The following CIMAP1D variants were observed in gnomAD, a reference collection of about 807,000 sequenced individuals.
The protein encoded by CIMAP1D is CIMAP1 family member D, also known as protein CIMAP1D.
chr19:488,976 C>G, the CIMAP1D span, among the ~76,000 whole-genome samples: 3 of 152,048 alleles, frequency 2.0e-5, no homozygotes, highest in Non-Finnish European at 4.4e-5. Flanking sequence ...GCCCCAAGCC[C>G]GCATCAGCCC....
the CIMAP1D span, among the ~76,000 whole-genome samples, chr19:469,462 G>C: frequency 2.0e-5 from 3 of 152,130 alleles, no homozygotes; most frequent in South Asian, 6.2e-4. Flanking sequence ...GGCTGAGGCG[G>C]GTGGATCACC....
At chr19:471,331 G>T in the CIMAP1D span, among the ~76,000 whole-genome samples, 2 of 151,710 alleles carry the variant, frequency 1.3e-5, no homozygotes, top group Admixed American at 1.3e-4. Context: ...TGTATTTTTA[G>T]TAGAGACGGG....
the CIMAP1D span, among the ~76,000 whole-genome samples, chr19:487,984 T>C: frequency 1.3e-5 from 2 of 152,154 alleles, no homozygotes; most frequent in African/African-American, 4.8e-5. Flanking sequence ...TCCGATCTGA[T>C]TGCCGGTGCA....
At chr19:471,057 G>A in the CIMAP1D span, among the ~76,000 whole-genome samples, 1 of 148,730 alleles carries the variant, frequency 6.7e-6, no homozygotes, top group Non-Finnish European at 1.5e-5. Context: ...GGAGAAACTG[G>A]GGCTCAGGGC....
the CIMAP1D span, among the ~76,000 whole-genome samples, chr19:476,955 C>T: frequency 1.3e-5 from 2 of 152,140 alleles, no homozygotes; most frequent in East Asian, 1.9e-4. Context: ...ACCTGTAATC[C>T]CTGCACTTTG....
chr19:467,672 A>C, the CIMAP1D span: 2 of 1,611,312 alleles, frequency 1.2e-6, no homozygotes, highest in Non-Finnish European at 1.7e-6. Flanking sequence ...CCGGCCCTGC[A>C]TGGAGTAGGC....
At chr19:471,557 C>T in the CIMAP1D span, among the ~76,000 whole-genome samples, 1 of 151,876 alleles carries the variant, frequency 6.6e-6, no homozygotes, top group Non-Finnish European at 1.5e-5. Context: ...ATCCTCCTGC[C>T]TGGGCCTCCC....
chr19:467,630 G>A, the CIMAP1D span: 1 of 1,536,238 alleles, frequency 6.5e-7, no homozygotes, highest in Non-Finnish European at 9.0e-7. Flanking sequence ...TTGTGCGGCT[G>A]CTTGGCTCCA....
At chr19:483,894 C>T in the CIMAP1D span, among the ~76,000 whole-genome samples, 1 of 152,214 alleles carries the variant, frequency 6.6e-6, no homozygotes, top group Admixed American at 6.5e-5. Context: ...CGCTTTGCCT[C>T]TTCTGTGCGG....
chr19:476,173 G>C, the CIMAP1D span, among the ~76,000 whole-genome samples: 2 of 151,274 alleles, frequency 1.3e-5, no homozygotes, highest in African/African-American at 4.9e-5. Context: ...TAATTTTTTT[G>C]TATTTTTAGT....
chr19:478,426 A>G, the CIMAP1D span, among the ~76,000 whole-genome samples: 1 of 98,340 alleles, frequency 1.0e-5, no homozygotes, highest in Non-Finnish European at 1.6e-5. Flanking sequence ...AAGCTAACAC[A>G]GGGAAGACAG....
At chr19:477,869 C>T in the CIMAP1D span, among the ~76,000 whole-genome samples, 21 of 152,298 alleles carry the variant, frequency 1.4e-4, no homozygotes, top group East Asian at 4.1e-3. Flanking sequence ...CCTGTCCTCT[C>T]GTCCTGCTCC....
At chr19:464,889 ATGAT>A in the CIMAP1D span, among the ~76,000 whole-genome samples, 13 of 150,318 alleles carry the variant, frequency 8.6e-5, no homozygotes, top group African/African-American at 3.2e-4. Flanking sequence ...GGATGAGTGG[ATGAT>A]GGATGGATGG....
chr19:474,740 G>T, the CIMAP1D span: 7 of 1,533,396 alleles, frequency 4.6e-6, no homozygotes, highest in Non-Finnish European at 6.1e-6. Context: ...GCAGCTGAGG[G>T]TCCCCATGGT....
chr19:472,885 C>G, the CIMAP1D span, among the ~76,000 whole-genome samples: 3 of 141,516 alleles, frequency 2.1e-5, no homozygotes, highest in Admixed American at 7.4e-5. Flanking sequence ...GAAACTGAGG[C>G]CCAGGCAGAG....
chr19:467,944 G>T, the CIMAP1D span, among the ~76,000 whole-genome samples: 1 of 152,164 alleles, frequency 6.6e-6, no homozygotes, highest in Admixed American at 6.5e-5. Context: ...GGTGCCTCAG[G>T]TCTCTGCTCT....
chr19:484,698 C>A, the CIMAP1D span, among the ~76,000 whole-genome samples: 16 of 151,892 alleles, frequency 1.1e-4, no homozygotes, highest in Admixed American at 3.9e-4. Flanking sequence ...CCGCACCTGG[C>A]GAGGCGGAGG....
the CIMAP1D span, chr19:464,294 C>T: frequency 8.4e-6 from 13 of 1,541,104 alleles, no homozygotes; most frequent in Admixed American, 2.1e-5. Flanking sequence ...TGAAAGCCGG[C>T]GGTGTCCGAT....
the CIMAP1D span, among the ~76,000 whole-genome samples, chr19:481,222 GGGGAAGGATGAT>G: frequency 0.016 from 1,658 of 105,226 alleles, 103 homozygotes; most frequent in South Asian, 0.13. Context: ...GAAGGATGAT[GGGGAAGGATGAT>G]GGGAAGGATG....
Sources: allele counts gnomAD v4.1 joint callset (sites outside exome capture counted in the v4.1 genomes callset), GRCh38; gene constraint gnomAD v4.1.1; transcripts MANE v1.5; gene names NCBI Gene and HGNC (gene_info 2026-07-23, HGNC 2026-07-21).